Variants in FSD2 observed in about 807,000 individuals in gnomAD.
FSD2 encodes the protein fibronectin type III and SPRY domain-containing protein 2.
Under a neutral mutation model 80.4 loss-of-function variants are expected in FSD2, and 71 were observed. That is an observed-to-expected ratio of 0.88 (90% CI 0.73 to 1.08). The LOEUF (loss-of-function observed/expected upper bound fraction) is 1.08. FSD2 is among the 50% of genes least tolerant of loss of function. FSD2 has a pLI of 0.00. For synonymous variants in FSD2, 361 were observed against 329.5 expected (o/e 1.10, Z -1.03); for missense variants, 923 against 913.8 (o/e 1.01, Z -0.13).
intron 1 of FSD2, among the ~76,000 whole-genome samples, chr15:82,796,630 T>C (rs2050278245): frequency 6.6e-6 from 1 of 152,216 alleles, no homozygotes; most frequent in South Asian, 2.1e-4. Flanking sequence ...TATGCCACAA[T>C]AGATGACTAG....
intron 6 of FSD2, among the ~76,000 whole-genome samples, chr15:82,773,072 C>G (rs1164595502): frequency 6.6e-6 from 1 of 152,202 alleles, no homozygotes; most frequent in Non-Finnish European, 1.5e-5. Context: ...GTCTCGAACT[C>G]CTGATCTCAA....
rs949902440 is a variant in FSD2 at position 82,758,136 on chromosome 15, T to G, written c.*1212A>C. The G allele has an allele frequency of 6.6e-6, 1 of 152,182 alleles. No homozygotes were observed. Among genetic ancestry groups the G allele is most frequent in the Non-Finnish European group, 1.5e-5 (1 of 68,044 alleles). The allele number at this position is 152,182 out of a possible 1,614,324, so 9.4% of individuals were successfully genotyped here. A position where few individuals can be genotyped will look rare whatever the true frequency, so the allele number is the denominator to read the frequency against. ...AGAAAAAAGAAAAGTGGACTTTTTTTTTTTAAACACAAAACCTTAAATGAT... is the reference window on the plus strand; with the variant it reads ...AGAAAAAAGAAAAGTGGACTTTTTTGTTTTAAACACAAAACCTTAAATGAT... On this transcript the variant is annotated 3_prime_UTR_variant, in exon 13 of 13. Transcript: ENST00000334574.
chr15:82,763,941 C>T (rs748498289), intron 11 of FSD2, among the ~76,000 whole-genome samples: 9 of 152,164 alleles, frequency 5.9e-5, no homozygotes, highest in East Asian at 5.8e-4. Context: ...ATGATCTTTC[C>T]GGCTTCTTTC....
chr15:82,794,793 C>T (rs1342048619), intron 1 of FSD2, among the ~76,000 whole-genome samples: 4 of 150,118 alleles, frequency 2.7e-5, no homozygotes, highest in East Asian at 2.0e-4. Flanking sequence ...GGCGCGATCT[C>T]GGCTTACTGC....
At chr15:82,788,532 CAG>C (rs2050064898) in intron 1 of FSD2, among the ~76,000 whole-genome samples, 1 of 140,246 alleles carries the variant, frequency 7.1e-6, no homozygotes, top group Non-Finnish European at 1.5e-5. Flanking sequence ...AAAAAAGTGA[CAG>C]AACAAATAAG....
Position 82,762,123 on chromosome 15 carries a change from C to G in FSD2, c.1976G>C (p.Arg659Thr), listed in dbSNP as rs2049307698. 1 of 1,605,102 alleles carries G rather than the reference C, an allele frequency of 6.2e-7. No homozygotes were observed. Among genetic ancestry groups the G allele is most frequent in the Non-Finnish European group, 8.5e-7 (1 of 1,175,610 alleles). Reference protein sequence around the residue: ...LGANCLSWCMRHTFASSRHKY... With the variant: ...LGANCLSWCMTHTFASSRHKY... ...TTACCTTGATGATGCAAATGTGTGC[C>G]TCATGCACCAGGAGAGGCAATTTGC... The change falls in exon 12 of 13, where the codon AGG (arginine) becomes ACG (threonine). Residue 659 changes from arginine (R) to threonine (T), a missense_variant. By Grantham distance (71) the Arg-to-Thr change is moderately conservative (BLOSUM62 -1). Transcript: ENST00000334574.
intron 6 of FSD2, among the ~76,000 whole-genome samples, chr15:82,778,003 G>A (rs1365612986): frequency 1.3e-5 from 2 of 150,274 alleles, no homozygotes; most frequent in South Asian, 2.1e-4. Flanking sequence ...GGTTGTGGTG[G>A]TGTGTGCCTG....
intron 1 of FSD2, among the ~76,000 whole-genome samples, chr15:82,789,926 C>T (rs1018254231): frequency 6.6e-6 from 1 of 152,160 alleles, no homozygotes; most frequent in East Asian, 1.9e-4. Flanking sequence ...CCTGTAATCC[C>T]AGCACTTTTG....
At chr15:82,770,683 T>TAATA in intron 7 of FSD2, among the ~76,000 whole-genome samples, 1 of 149,540 alleles carries the variant, frequency 6.7e-6, no homozygotes, top group Middle Eastern at 3.5e-3. Flanking sequence ...AAAATAATAA[T>TAATA]AATAAATAAA....
chr15:82,797,702 T>G (rs1033699376), intron 1 of FSD2, among the ~76,000 whole-genome samples: 1 of 151,808 alleles, frequency 6.6e-6, no homozygotes, highest in Non-Finnish European at 1.5e-5. Flanking sequence ...CCCAGCTACT[T>G]GGGAGGCTGA....
In FSD2 at chr15:82,764,492, C is replaced by CTTTT. The variant is rs60095355; in HGVS notation, c.1820+670_1820+673dup. On this transcript the variant is annotated intron_variant, in intron 11 of 12. Transcript: ENST00000334574. ...CTCTTGTTGCTTCATTCTTTACTTG[C>CTTTT]TTTTTTTTTTTTTTTTTTTTGAGAA... Among the ~76,000 whole-genome samples, 40 of 86,130 alleles carry CTTTT rather than the reference C, an allele frequency of 4.6e-4. 2 individuals carry two copies. Among genetic ancestry groups the CTTTT allele is most frequent in the African/African-American group, 1.2e-3 (25 of 20,850 alleles). 56.5% of individuals were successfully genotyped at this position (86,130 alleles called of 152,430 possible). A position where few individuals can be genotyped will look rare whatever the true frequency, so the allele number is the denominator to read the frequency against.
In FSD2 at chr15:82,759,393, C is replaced by G; in HGVS notation, c.2205G>C (p.Lys735Asn). Residue 735 changes from lysine (K) to asparagine (N), a missense_variant, in exon 13 of 13, where the codon AAG (lysine) becomes AAC (asparagine). Physicochemically the swap from Lys to Asn is moderately conservative, Grantham distance 94 (BLOSUM62 0). Transcript: ENST00000334574. ...TTGGCATTGAAATGCCATTATGTAC[C>G]TTTAGACACCCAGGCTTTTCCAAAG... ...CFSLEKPGCL[K>N]VHNGISMPKH... The G allele has an allele frequency of 6.2e-7, 1 of 1,613,678 alleles. No homozygotes were observed. The highest frequency in any genetic ancestry group is 1.7e-5 in the Admixed American group (1 of 59,970).
At chr15:82,793,179 T>G (rs1178829108) in intron 1 of FSD2, among the ~76,000 whole-genome samples, 1 of 152,104 alleles carries the variant, frequency 6.6e-6, no homozygotes, top group Admixed American at 6.5e-5. Flanking sequence ...CACTGCAACC[T>G]CCACCTCCCA....
rs575016772 is a variant in FSD2, at chr15:82,803,467, G to A, written c.-79+2499C>T. ...CCCAAGCAGCCCCACCTTCCCTAGC[G>A]GTAACCCTCTGTTCCTTCTGGCCGC... On this transcript the variant is annotated intron_variant, in intron 1 of 12. Coordinates refer to ENST00000334574, the MANE Select transcript of FSD2 (RefSeq NM_001007122.4). 7.1e-4 allele frequency among the ~76,000 whole-genome samples: 108 copies of A among 152,022 alleles called. 1 individual carries two copies. Among genetic ancestry groups the A allele is most frequent in the South Asian group, 5.6e-3 (27 of 4,806 alleles).
chr15:82,785,300 ATTATTTATTTAT>A lies in FSD2; in HGVS notation c.735+1199_735+1210del, dbSNP rs10635621. Among the ~76,000 whole-genome samples, 524 of 147,010 alleles carry A rather than the reference ATTATTTATTTAT, an allele frequency of 3.6e-3. 1 individual carries two copies. The highest frequency in any genetic ancestry group is 0.012 in the African/African-American group (469 of 39,656). ...ATTGCTAACTAGACAAAGGCAATAC[ATTATTTATTTAT>A]TTATTTATTTATTTATTTATTTATT... On this transcript the variant is annotated intron_variant, in intron 3 of 12. Transcript: ENST00000334574.
intron 1 of FSD2, among the ~76,000 whole-genome samples, chr15:82,802,574 C>A (rs1013438584): frequency 1.3e-5 from 2 of 152,146 alleles, no homozygotes; most frequent in African/African-American, 4.8e-5. Flanking sequence ...TCTTACTTGG[C>A]ATCATGGGGG....
At chr15:82,772,891 A>C (rs532216197) in intron 6 of FSD2, among the ~76,000 whole-genome samples, 23 of 152,256 alleles carry the variant, frequency 1.5e-4, no homozygotes, top group African/African-American at 5.5e-4. Context: ...TCTGTCACCC[A>C]GGCTGGAGTG....
chr15:82,772,323 C>T (rs1421208676), intron 6 of FSD2, 95 bp from the exon 7 acceptor site: 1 of 1,277,418 alleles, frequency 7.8e-7, no homozygotes, highest in Non-Finnish European at 1.1e-6. Flanking sequence ...CCCAATGAAT[C>T]CACAGCCTTT....
rs60095355 is a variant in FSD2 at position 82,764,492 on chromosome 15, C to CTTTTTTTTTTTTTTTTTTTTTTTTTTTT, written c.1820+673_1820+674insAAAAAAAAAAAAAAAAAAAAAAAAAAAA. On this transcript the variant is annotated intron_variant, in intron 11 of 12. Coordinates refer to ENST00000334574, the MANE Select transcript of FSD2 (RefSeq NM_001007122.4). ...CTCTTGTTGCTTCATTCTTTACTTG[C>CTTTTTTTTTTTTTTTTTTTTTTTTTTTT]TTTTTTTTTTTTTTTTTTTTGAGAA... 1.0e-3 allele frequency among the ~76,000 whole-genome samples: 86 copies of CTTTTTTTTTTTTTTTTTTTTTTTTTTTT among 86,134 alleles called. 14 individuals carry two copies. The highest frequency in any genetic ancestry group is 1.4e-3 in the Non-Finnish European group (63 of 45,420). 56.5% of individuals were successfully genotyped at this position (86,134 alleles called of 152,430 possible). A position where few individuals can be genotyped will look rare whatever the true frequency, so the allele number is the denominator to read the frequency against.
Sources: allele counts gnomAD v4.1 joint callset (sites outside exome capture counted in the v4.1 genomes callset), GRCh38; gene constraint gnomAD v4.1.1; transcripts MANE v1.5; gene names NCBI Gene and HGNC (gene_info 2026-07-23, HGNC 2026-07-21).